EXOC6B: variants seen among roughly 807,000 people sequenced by gnomAD.
The protein encoded by EXOC6B is exocyst complex component 6B.
A neutral mutation model predicts 113.5 loss-of-function variants in EXOC6B; 54 were observed. The observed-to-expected ratio is 0.48, with a 90% confidence interval of 0.38 to 0.60. The LOEUF (loss-of-function observed/expected upper bound fraction) is 0.60, where lower values mean the gene tolerates loss of function less well. EXOC6B is among the 20% of genes least tolerant of loss of function. The probability of loss-of-function intolerance (pLI) is 0.00; values close to 1 mark genes in which losing one functional copy is unlikely to be tolerated. For missense variants in EXOC6B, 797 were observed against 977.5 expected, an observed-to-expected ratio of 0.82 and a Z score of 2.46; for synonymous variants, 357 against 339.0, an observed-to-expected ratio of 1.05 and a Z score of -0.58.
chr2:72,339,637 C>T (rs1688910444), intron 19 of EXOC6B, among the ~76,000 whole-genome samples: 3 of 152,246 alleles, frequency 2.0e-5, no homozygotes, highest in East Asian at 3.9e-4. Flanking sequence ...TGTCCAAGCA[C>T]GCATGGTAGA....
intron 1 of EXOC6B, among the ~76,000 whole-genome samples, chr2:72,792,839 C>T (rs2105042679): frequency 6.6e-6 from 1 of 152,268 alleles, no homozygotes; most frequent in South Asian, 2.1e-4. Flanking sequence ...TTCTGGTAAC[C>T]ACTTTCTTAT....
chr2:72,431,159 A>C (rs1318602340), intron 18 of EXOC6B, among the ~76,000 whole-genome samples: 1 of 152,166 alleles, frequency 6.6e-6, no homozygotes, highest in East Asian at 1.9e-4. Flanking sequence ...TAAGTATTAT[A>C]ATTTTTAGCG....
At chr2:72,284,859 A>T (rs1685331404) in intron 20 of EXOC6B, among the ~76,000 whole-genome samples, 1 of 152,108 alleles carries the variant, frequency 6.6e-6, no homozygotes, top group South Asian at 2.1e-4. Flanking sequence ...TTGCAATTAA[A>T]AGCAAAATGT....
intron 11 of EXOC6B, among the ~76,000 whole-genome samples, chr2:72,511,445 A>C (rs1267823683): frequency 6.6e-6 from 1 of 152,086 alleles, no homozygotes; most frequent in Non-Finnish European, 1.5e-5. Context: ...ACTTCCTAAA[A>C]ATCTCTTGAA....
At chr2:72,652,750 T>C (rs1674284445) in intron 6 of EXOC6B, among the ~76,000 whole-genome samples, 1 of 148,088 alleles carries the variant, frequency 6.8e-6, no homozygotes, top group Non-Finnish European at 1.5e-5. Flanking sequence ...CTATATCTAA[T>C]ATATAAAATA....
intron 6 of EXOC6B, among the ~76,000 whole-genome samples, chr2:72,702,154 G>A (rs1573650563): frequency 7.0e-6 from 1 of 142,508 alleles, no homozygotes; most frequent in Non-Finnish European, 1.5e-5. Flanking sequence ...TCCCACCTAT[G>A]AGTGAGAATA....
At chr2:72,346,959 CAA>C (rs1171358617) in intron 19 of EXOC6B, among the ~76,000 whole-genome samples, 1 of 151,956 alleles carries the variant, frequency 6.6e-6, no homozygotes, top group African/African-American at 2.4e-5. Flanking sequence ...TTTAAAAGGT[CAA>C]AAAAGTTAAG....
At chr2:72,669,085 TC>T (rs1675599434) in intron 6 of EXOC6B, among the ~76,000 whole-genome samples, 1 of 151,624 alleles carries the variant, frequency 6.6e-6, no homozygotes, top group African/African-American at 2.4e-5. Context: ...AGACCTTATA[TC>T]AAAAAATATA....
chr2:72,759,420 A>T (rs1328814709), intron 1 of EXOC6B, among the ~76,000 whole-genome samples: 1 of 152,200 alleles, frequency 6.6e-6, no homozygotes, highest in Non-Finnish European at 1.5e-5. Flanking sequence ...TCAGAGTCAT[A>T]AAATTTTTCC....
At chr2:72,422,946 G>A (rs772208608) in intron 18 of EXOC6B, among the ~76,000 whole-genome samples, 1 of 152,198 alleles carries the variant, frequency 6.6e-6, no homozygotes, top group African/African-American at 2.4e-5. Context: ...CCAGATAAGA[G>A]AATAAAAGCA....
At chr2:72,549,831 C>T (rs1397240953) in intron 8 of EXOC6B, among the ~76,000 whole-genome samples, 1 of 152,078 alleles carries the variant, frequency 6.6e-6, no homozygotes, top group East Asian at 1.9e-4. Context: ...AGAAGAAAAG[C>T]TCACAAAGAC....
chr2:72,509,254 C>T (rs1416528064), intron 11 of EXOC6B, among the ~76,000 whole-genome samples: 1 of 152,156 alleles, frequency 6.6e-6, no homozygotes, highest in African/African-American at 2.4e-5. Context: ...CATGTGGACA[C>T]CTTAATCTCT....
At chr2:72,439,968 C>G (rs2105327174) in intron 18 of EXOC6B, among the ~76,000 whole-genome samples, 1 of 152,186 alleles carries the variant, frequency 6.6e-6, no homozygotes. Context: ...GCTCTAGTCC[C>G]TAGGCACCTC....
At chr2:72,643,834 T>A (rs1235244906) in intron 6 of EXOC6B, among the ~76,000 whole-genome samples, 1 of 143,200 alleles carries the variant, frequency 7.0e-6, no homozygotes, top group Non-Finnish European at 1.5e-5. Flanking sequence ...AATAAATAAA[T>A]AAAAAAGAAA....
At position 72,778,912 on chromosome 2, in the gene EXOC6B, G is replaced by C. The variant is rs570034134; in HGVS notation, c.114-37443C>G. The stretch of plus-strand genomic sequence containing the variant: ...TATATTAGTTTTTTTAAAAAAGCAG[G>C]ATACAACATAACACATGCATGTACC... On this transcript the variant is annotated intron_variant, in intron 1 of 21. Transcript: ENST00000272427. Among the ~76,000 whole-genome samples the C allele has an allele frequency of 2.6e-5, 4 of 151,836 alleles. No homozygotes were observed. In the South Asian group the frequency reaches 6.2e-4, roughly 24 times the overall value.
At position 72,703,026 on chromosome 2, in the gene EXOC6B, G is replaced by C. The variant is rs1014867724; in HGVS notation, c.669+15077C>G. ...CCTATGTCCTGAATGGTAATGCCTAGGTTTTCTTCTAGGGTTTTTATGGTT... is the reference window on the plus strand; with the variant it reads ...CCTATGTCCTGAATGGTAATGCCTACGTTTTCTTCTAGGGTTTTTATGGTT... On this transcript the variant is annotated intron_variant, in intron 6 of 21. Coordinates refer to ENST00000272427, the MANE Select transcript of EXOC6B (RefSeq NM_015189.3). Among the ~76,000 whole-genome samples, 21 of 149,120 alleles carry C rather than the reference G, an allele frequency of 1.4e-4. No individual in the cohort carries two copies. In the South Asian group the frequency reaches 1.7e-3, roughly 12 times the overall value.
chr2:72,245,301 A>G (rs565445005), intron 20 of EXOC6B, among the ~76,000 whole-genome samples: 58 of 152,246 alleles, frequency 3.8e-4, no homozygotes, highest in Non-Finnish European at 7.8e-4. Flanking sequence ...TCAATGGGAC[A>G]GAATAAAAGG....
intron 20 of EXOC6B, among the ~76,000 whole-genome samples, chr2:72,333,549 A>G (rs1688522395): frequency 6.6e-6 from 1 of 152,148 alleles, no homozygotes; most frequent in African/African-American, 2.4e-5. Context: ...CAAAATCCCA[A>G]TCTTTCAATC....
chr2:72,286,758 G>C (rs1274515445), intron 20 of EXOC6B, among the ~76,000 whole-genome samples: 1 of 151,964 alleles, frequency 6.6e-6, no homozygotes, highest in Non-Finnish European at 1.5e-5. Context: ...AAGTACCTAG[G>C]ATATCTCTGT....
Sources: allele counts gnomAD v4.1 joint callset (sites outside exome capture counted in the v4.1 genomes callset), GRCh38; gene constraint gnomAD v4.1.1; transcripts MANE v1.5; gene names NCBI Gene and HGNC (gene_info 2026-07-23, HGNC 2026-07-21).